PDGFB: variants seen among roughly 807,000 people sequenced by gnomAD.
PDGFB encodes platelet-derived growth factor subunit B.
PDGFB carries 6 observed loss-of-function variants against 29.0 expected under a neutral mutation model. The ratio of observed to expected loss-of-function variants is 0.21; its 90% CI spans 0.11 to 0.41. The LOEUF (loss-of-function observed/expected upper bound fraction) is 0.41, where lower values mean the gene tolerates loss of function less well. PDGFB is among the 10% of genes least tolerant of loss of function. The pLI is 1.00. For synonymous variants in PDGFB, 144 were observed against 140.8 expected, an observed-to-expected ratio of 1.02 and a Z score of -0.16; for missense variants, 299 against 341.8, an observed-to-expected ratio of 0.87 and a Z score of 0.99.
chr22:39,230,593 G>C (rs1932277429), intron 4 of PDGFB, among the ~76,000 whole-genome samples: 1 of 152,220 alleles, frequency 6.6e-6, no homozygotes, highest in Admixed American at 6.5e-5. Flanking sequence ...GAAGGAAGTG[G>C]GGGGAGGCTT....
At chr22:39,238,206 G>A (rs1932489944) in intron 1 of PDGFB, among the ~76,000 whole-genome samples, 1 of 152,150 alleles carries the variant, frequency 6.6e-6, no homozygotes, top group Non-Finnish European at 1.5e-5. Context: ...GGAGAGAGAG[G>A]CACATAGTAG....
chr22:39,234,625 G>A (rs1932396348), intron 2 of PDGFB, among the ~76,000 whole-genome samples: 1 of 152,254 alleles, frequency 6.6e-6, no homozygotes, highest in Non-Finnish European at 1.5e-5. Flanking sequence ...ACGTCAACGA[G>A]CCTATCTGTC....
In PDGFB at chr22:39,243,727, A is replaced by G. The variant is rs1932625657; in HGVS notation, c.63+174T>C. On this transcript the variant is annotated intron_variant, in intron 1 of 6. Coordinates refer to ENST00000331163, the MANE Select transcript of PDGFB (RefSeq NM_002608.4). The surrounding 1 kb of genome is among the most constrained non-coding windows in gnomAD (Gnocchi z 6.4). Reference sequence around the variant, plus strand: ...AAAGCCACCGCTGTTGCCTTCCCTTAGAGCCTGTCACCCCCGGACCTCGCT... The same window carrying G: ...AAAGCCACCGCTGTTGCCTTCCCTTGGAGCCTGTCACCCCCGGACCTCGCT... Among the ~76,000 whole-genome samples the G allele has an allele frequency of 6.6e-6, 1 of 152,108 alleles. No homozygotes were observed. Among genetic ancestry groups the G allele is most frequent in the African/African-American group, 2.4e-5 (1 of 41,420 alleles).
At chr22:39,234,918 C>T (rs1055673719) in intron 2 of PDGFB, among the ~76,000 whole-genome samples, 1 of 152,042 alleles carries the variant, frequency 6.6e-6, no homozygotes, top group African/African-American at 2.4e-5. Context: ...GGCGGCCAGT[C>T]GGGCATAGGG....
chr22:39,228,893 A>AAAAAAAATATAT lies in PDGFB; in HGVS notation c.601+1190_601+1191insATATATTTTTTT, dbSNP rs1184799325. Among the ~76,000 whole-genome samples, 409 of 132,586 alleles carry AAAAAAAATATAT rather than the reference A, an allele frequency of 3.1e-3. 5 individuals carry two copies. Among genetic ancestry groups the AAAAAAAATATAT allele is most frequent in the African/African-American group, 9.7e-3 (371 of 38,170 alleles). The allele number at this position is 132,586 out of a possible 152,430, so 87.0% of individuals were successfully genotyped here. ...GACAGGGTGAGACTGCCTCAAAAAA[A>AAAAAAAATATAT]ATATATATATATATAGATATATATA... On this transcript the variant is annotated intron_variant, in intron 5 of 6. Transcript: ENST00000331163.
At chr22:39,228,746 G>A (rs1008918069) in intron 5 of PDGFB, among the ~76,000 whole-genome samples, 3 of 151,898 alleles carry the variant, frequency 2.0e-5, no homozygotes, top group Admixed American at 6.6e-5. Context: ...AAAATTAGCC[G>A]GGTGTAGTGG....
At position 39,239,831 on chromosome 22, in the gene PDGFB, C is replaced by A. The variant is rs1158637404; in HGVS notation, c.64-3957G>T. Among the ~76,000 whole-genome samples, 3 of 149,344 alleles carry A rather than the reference C, an allele frequency of 2.0e-5. No individual in the cohort carries two copies. In the East Asian group the frequency reaches 6.0e-4, roughly 30 times the overall value. ...GGCTGGCAGATCAAAGGGGCTTGAACCCCACCCTCCTCCTGGGCCCAGCAC... is the reference window on the plus strand; with the variant it reads ...GGCTGGCAGATCAAAGGGGCTTGAAACCCACCCTCCTCCTGGGCCCAGCAC... On this transcript the variant is annotated intron_variant, in intron 1 of 6. Transcript: ENST00000331163.
intron 2 of PDGFB, among the ~76,000 whole-genome samples, chr22:39,233,947 C>T (rs1032941929): frequency 6.8e-6 from 1 of 147,222 alleles, no homozygotes; most frequent in Non-Finnish European, 1.5e-5. Flanking sequence ...CCAGGGGGAC[C>T]GCATGCCCTG....
Position 39,231,313 on chromosome 22 carries a change from C to T in PDGFB, c.456+309G>A, listed in dbSNP as rs1357702360. 2.0e-5 allele frequency among the ~76,000 whole-genome samples: 3 copies of T among 152,312 alleles called. No individual in the cohort carries two copies. In the East Asian group the frequency reaches 5.8e-4, roughly 29 times the overall value. ...TTCAAGGGACGTTTTGCGATTTTGT[C>T]CTTGTAAAGGAGGTGACATCCCTAC... On this transcript the variant is annotated intron_variant, in intron 4 of 6. Coordinates refer to ENST00000331163, the MANE Select transcript of PDGFB (RefSeq NM_002608.4). The surrounding 1 kb of genome is among the most constrained non-coding windows in gnomAD (Gnocchi z 4.3).
Position 39,243,973 on chromosome 22 carries a change from G to C in PDGFB, c.-10C>G, listed in dbSNP as rs749151553. 12 of 1,591,178 alleles carry C rather than the reference G, an allele frequency of 7.5e-6. No individual in the cohort carries two copies. The highest frequency in any genetic ancestry group is 1.7e-5 in the Admixed American group (1 of 58,036). ...CCCAGCAGCGATTCATGCCGACTCC[G>C]GGCCCGGCCCCGCGGGGCCCCGGAC... On this transcript the variant is annotated 5_prime_UTR_variant, in exon 1 of 7. Coordinates refer to ENST00000331163, the MANE Select transcript of PDGFB (RefSeq NM_002608.4). This position sits in a 1 kb window ranked among gnomAD's most constrained non-coding sequence, Gnocchi z 6.4.
Position 39,231,931 on chromosome 22 carries a change from C to A in PDGFB, c.251-104G>T. On this transcript the variant is annotated intron_variant, in intron 3 of 6. Transcript: ENST00000331163. The surrounding 1 kb of genome is among the most constrained non-coding windows in gnomAD (Gnocchi z 4.3). Reference sequence around the variant, plus strand: ...CCTCCGGGACTGCTCTTTCTCACGCCCTTCAACCCCAGGGTTCAGGTTTCA... The same window carrying A: ...CCTCCGGGACTGCTCTTTCTCACGCACTTCAACCCCAGGGTTCAGGTTTCA... 1.1e-6 allele frequency: 1 copy of A among 915,568 alleles called. No individual in the cohort carries two copies. The highest frequency in any genetic ancestry group is 1.6e-6 in the Non-Finnish European group (1 of 609,386). 56.7% of individuals were successfully genotyped at this position (915,568 alleles called of 1,614,324 possible). A position where few individuals can be genotyped will look rare whatever the true frequency, so the allele number is the denominator to read the frequency against.
intron 5 of PDGFB, among the ~76,000 whole-genome samples, chr22:39,228,400 G>A (rs1264466671): frequency 6.6e-6 from 1 of 151,208 alleles, no homozygotes; most frequent in African/African-American, 2.4e-5. Context: ...ACCAGCCTGA[G>A]CAACGAATCA....
At chr22:39,235,698 G>A (rs1932424243) in intron 2 of PDGFB, 80 bp downstream of exon 2, 2 of 975,222 alleles carry the variant, frequency 2.1e-6, no homozygotes, top group Admixed American at 3.9e-5. Flanking sequence ...CAAGAAGGAG[G>A]GATGCCTCCT....
chr22:39,240,971 G>T, intron 1 of PDGFB: 1 of 1,331,704 alleles, frequency 7.5e-7, no homozygotes, highest in Non-Finnish European at 1.1e-6. Context: ...CCTGGCTCTT[G>T]CACCAGATCC....
chr22:39,239,088 C>T (rs1431552803), intron 1 of PDGFB, among the ~76,000 whole-genome samples: 1 of 152,286 alleles, frequency 6.6e-6, no homozygotes. Flanking sequence ...ATACCTCGCC[C>T]GGGGTTACTG....
intron 1 of PDGFB, among the ~76,000 whole-genome samples, chr22:39,241,811 C>G (rs1224660497): frequency 6.6e-6 from 1 of 152,192 alleles, no homozygotes; most frequent in Non-Finnish European, 1.5e-5. Context: ...CTCAGTGCCC[C>G]TCAGAGTCAC....
intron 5 of PDGFB, among the ~76,000 whole-genome samples, chr22:39,227,701 C>T (rs1932200728): frequency 6.6e-6 from 1 of 152,186 alleles, no homozygotes; most frequent in Non-Finnish European, 1.5e-5. Flanking sequence ...CTCTTATACA[C>T]TTCTCTCCGT....
chr22:39,244,006 T>C lies in PDGFB; in HGVS notation c.-43A>G. Reference sequence around the variant, plus strand: ...CCCCGCGGGGCCCCGGACGCGTAGATCGAGCGCGCCGCCCCCGCGGCCAGG... The same window carrying C: ...CCCCGCGGGGCCCCGGACGCGTAGACCGAGCGCGCCGCCCCCGCGGCCAGG... On this transcript the variant is annotated 5_prime_UTR_variant, in exon 1 of 7. Transcript: ENST00000331163. The surrounding 1 kb of genome is among the most constrained non-coding windows in gnomAD (Gnocchi z 4.5). The C allele has an allele frequency of 9.5e-7, 1 of 1,047,704 alleles. No individual in the cohort carries two copies. Among genetic ancestry groups the C allele is most frequent in the Non-Finnish European group, 1.3e-6 (1 of 770,364 alleles). 64.9% of individuals were successfully genotyped at this position (1,047,704 alleles called of 1,614,324 possible). A position where few individuals can be genotyped will look rare whatever the true frequency, so the allele number is the denominator to read the frequency against.
Position 39,236,019 on chromosome 22 carries a change from T to G in PDGFB, c.64-145A>C. 10 of 634,240 alleles carry G rather than the reference T, an allele frequency of 1.6e-5. 2 individuals carry two copies. The South Asian group carries it at 1.7e-4, about 11-fold the overall frequency. 39.3% of individuals were successfully genotyped at this position (634,240 alleles called of 1,614,324 possible). On this transcript the variant is annotated intron_variant, in intron 1 of 6. Coordinates refer to ENST00000331163, the MANE Select transcript of PDGFB (RefSeq NM_002608.4). ...ACGGACAGGCAGGATCCAGGCCTGA[T>G]GATCAGGAGCACAAAGGCCTCGGGG...
Sources: allele counts gnomAD v4.1 joint callset (sites outside exome capture counted in the v4.1 genomes callset), GRCh38; gene constraint gnomAD v4.1.1; non-coding constraint Gnocchi (gnomAD v3.1); transcripts MANE v1.5; gene names NCBI Gene and HGNC (gene_info 2026-07-23, HGNC 2026-07-21).